KCNH7: variants seen among roughly 807,000 people sequenced by gnomAD.
KCNH7 encodes potassium voltage-gated channel subfamily H member 7.
A neutral mutation model predicts 120.8 loss-of-function variants in KCNH7; 49 were observed. The observed-to-expected ratio is 0.41, with a 90% CI of 0.32 to 0.51. The LOEUF (loss-of-function observed/expected upper bound fraction) is 0.51, where lower values mean the gene tolerates loss of function less well. Ranked by LOEUF, KCNH7 falls within the 20% of genes least tolerant of loss-of-function variation. The pLI is 0.38. For synonymous variants in KCNH7, 547 were observed against 516.1 expected, an observed-to-expected ratio of 1.06 and a Z score of -0.81; for missense variants, 1,097 against 1,446.6, an observed-to-expected ratio of 0.76 and a Z score of 3.92.
At chr2:162,528,699 T>C (rs548654293) in intron 3 of KCNH7, among the ~76,000 whole-genome samples, 1 of 152,086 alleles carries the variant, frequency 6.6e-6, no homozygotes, top group Admixed American at 6.6e-5. Flanking sequence ...TTGTAAAAGA[T>C]ATAGACAGTG....
chr2:162,522,681 G>A (rs1691573589), intron 3 of KCNH7, among the ~76,000 whole-genome samples: 1 of 151,750 alleles, frequency 6.6e-6, no homozygotes, highest in Non-Finnish European at 1.5e-5. Context: ...TTACTATAAT[G>A]CTCAATAAAT....
chr2:162,486,852 T>C (rs1283443676), intron 6 of KCNH7, among the ~76,000 whole-genome samples: 1 of 152,198 alleles, frequency 6.6e-6, no homozygotes, highest in African/African-American at 2.4e-5. Context: ...TATTGGTAAA[T>C]CAATGTTTTA....
chr2:162,396,171 A>ATTAT (rs1686908347), intron 11 of KCNH7, among the ~76,000 whole-genome samples: 1 of 151,758 alleles, frequency 6.6e-6, no homozygotes, highest in South Asian at 2.1e-4. Context: ...TACATATATA[A>ATTAT]TTATTTAAAC....
Position 162,678,073 on chromosome 2 carries a change from TTTAA to T in KCNH7, c.308-140997_308-140994del, listed in dbSNP as rs200955602. Among the ~76,000 whole-genome samples, 1,116 of 151,550 alleles carry T rather than the reference TTTAA, an allele frequency of 7.4e-3. 16 individuals carry two copies. Among genetic ancestry groups the T allele is most frequent in the African/African-American group, 0.025 (1,045 of 41,470 alleles). On this transcript the variant is annotated intron_variant, in intron 2 of 15. Coordinates refer to ENST00000332142, the MANE Select transcript of KCNH7 (RefSeq NM_033272.4). The stretch of plus-strand genomic sequence containing the variant: ...AAACAAGTATAAAGCACTGTAATCA[TTTAA>T]TTAATATATGTGTAGATGTATGTAC...
chr2:162,698,084 A>G (rs1333257105), intron 2 of KCNH7, among the ~76,000 whole-genome samples: 3 of 152,178 alleles, frequency 2.0e-5, no homozygotes, highest in East Asian at 3.8e-4. Flanking sequence ...TAAATTTCAT[A>G]GACTCTAGTT....
chr2:162,525,411 C>G (rs1691666608), intron 3 of KCNH7, among the ~76,000 whole-genome samples: 1 of 151,706 alleles, frequency 6.6e-6, no homozygotes, highest in Admixed American at 6.6e-5. Flanking sequence ...AGCAAAGAAG[C>G]CAGAAACATG....
Position 162,446,486 on chromosome 2 carries a change from T to G in KCNH7, c.1129-43A>C, listed in dbSNP as rs746889401. On this transcript the variant is annotated intron_variant, in intron 6 of 15. Transcript: ENST00000332142. ...AATCATACACTACATAAATATGCCATTTTTAATCTGGTAAACCTATCAAAT... is the reference window on the plus strand; with the variant it reads ...AATCATACACTACATAAATATGCCAGTTTTAATCTGGTAAACCTATCAAAT... The G allele has an allele frequency of 3.0e-5, 43 of 1,419,540 alleles. No individual in the cohort carries two copies. In the South Asian group the frequency reaches 5.6e-4, roughly 19 times the overall value. The allele number at this position is 1,419,540 out of a possible 1,614,324, so 87.9% of individuals were successfully genotyped here. A position where few individuals can be genotyped will look rare whatever the true frequency, so the allele number is the denominator to read the frequency against.
intron 7 of KCNH7, among the ~76,000 whole-genome samples, chr2:162,438,343 A>G (rs1487804635): frequency 6.6e-6 from 1 of 152,150 alleles, no homozygotes; most frequent in Non-Finnish European, 1.5e-5. Flanking sequence ...TTCTTCTAGC[A>G]TTCTATCAAA....
chr2:162,593,777 G>C (rs577004071), intron 2 of KCNH7, among the ~76,000 whole-genome samples: 1 of 151,952 alleles, frequency 6.6e-6, no homozygotes, highest in Admixed American at 6.6e-5. Context: ...TTACCATTTT[G>C]GTTTCTACAG....
At chr2:162,408,125 CGCCA>C (rs1558929928) in intron 9 of KCNH7, among the ~76,000 whole-genome samples, 1 of 151,974 alleles carries the variant, frequency 6.6e-6, no homozygotes, top group East Asian at 1.9e-4. Flanking sequence ...CATTTTGACT[CGCCA>C]TTGCTGTCCA....
intron 6 of KCNH7, among the ~76,000 whole-genome samples, chr2:162,471,038 T>C (rs1271483642): frequency 1.3e-5 from 2 of 152,140 alleles, no homozygotes; most frequent in Non-Finnish European, 2.9e-5. Context: ...AAACAGATGC[T>C]TGAAGGCAGC....
At chr2:162,439,608 T>A (rs745835899) in intron 7 of KCNH7, among the ~76,000 whole-genome samples, 1 of 152,124 alleles carries the variant, frequency 6.6e-6, no homozygotes, top group Non-Finnish European at 1.5e-5. Context: ...TTTTTATTTT[T>A]AATGTATCTT....
At chr2:162,756,949 C>T (rs943670686) in intron 2 of KCNH7, among the ~76,000 whole-genome samples, 11 of 152,062 alleles carry the variant, frequency 7.2e-5, no homozygotes, top group African/African-American at 2.7e-4. Context: ...GAATCAATAT[C>T]AATTTTTTAA....
intron 2 of KCNH7, among the ~76,000 whole-genome samples, chr2:162,811,464 A>G (rs977661380): frequency 6.6e-6 from 1 of 152,124 alleles, no homozygotes; most frequent in African/African-American, 2.4e-5. Context: ...ATTTTTTGAT[A>G]CAAGTTTTAG....
intron 6 of KCNH7, among the ~76,000 whole-genome samples, chr2:162,483,610 T>C (rs1019364): frequency 0.027 from 4,171 of 152,224 alleles, 186 homozygotes; most frequent in African/African-American, 0.095. Context: ...TTTGAACCTG[T>C]TGGCACAAAA....
intron 2 of KCNH7, among the ~76,000 whole-genome samples, chr2:162,754,232 C>A (rs115968768): frequency 6.6e-6 from 1 of 151,832 alleles, no homozygotes; most frequent in Non-Finnish European, 1.5e-5. Context: ...AAGGAGATTA[C>A]TACAATAGAT....
At chr2:162,461,886 G>T (rs1473469184) in intron 6 of KCNH7, among the ~76,000 whole-genome samples, 1 of 152,150 alleles carries the variant, frequency 6.6e-6, no homozygotes, top group Non-Finnish European at 1.5e-5. Flanking sequence ...CATCTGATGG[G>T]TGATTGGAGG....
At chr2:162,627,494 T>G (rs979398775) in intron 2 of KCNH7, among the ~76,000 whole-genome samples, 5 of 152,200 alleles carry the variant, frequency 3.3e-5, no homozygotes, top group Admixed American at 1.3e-4. Context: ...TTAATTTGCT[T>G]ATGCATAATA....
intron 2 of KCNH7, among the ~76,000 whole-genome samples, chr2:162,618,853 G>A (rs1300217009): frequency 6.6e-6 from 1 of 152,154 alleles, no homozygotes; most frequent in African/African-American, 2.4e-5. Context: ...TGGGGATGCA[G>A]AAGAATAAAT....
Sources: gnomAD v4.1 joint callset for allele counts (sites outside exome capture counted in the v4.1 genomes callset) on GRCh38, gnomAD v4.1.1 for gene constraint, MANE v1.5 for transcripts, NCBI Gene and HGNC (gene_info 2026-07-23, HGNC 2026-07-21) for gene names.